Variants in RHBDD1 observed in about 807,000 individuals in gnomAD.
The protein encoded by RHBDD1 is rhomboid-related protein 4.
In RHBDD1, 38 loss-of-function variants were observed where a neutral mutation model predicts 36.3. That is an observed-to-expected ratio of 1.05 (90% CI 0.81 to 1.37). The LOEUF (loss-of-function observed/expected upper bound fraction) is 1.37. Among genes scored for constraint, RHBDD1 ranks in the 40% most tolerant of loss-of-function variants. The probability of loss-of-function intolerance (pLI) is 0.00; values close to 1 mark genes in which losing one functional copy is unlikely to be tolerated. For synonymous variants in RHBDD1, 151 were observed against 136.5 expected (o/e 1.11, Z -0.74); for missense variants, 393 against 377.6 (o/e 1.04, Z -0.34).
rs536163906 is a variant in RHBDD1 at position 226,870,688 on chromosome 2, A to G, written c.566+3370A>G. ...TGACTGAAAGCCTTACTAATAACAT[A>G]CACAGTCAGGTAACACACATTGTGC... On this transcript the variant is annotated intron_variant, in intron 5 of 8. Coordinates refer to ENST00000392062, the MANE Select transcript of RHBDD1 (RefSeq NM_001167608.3). Among the ~76,000 whole-genome samples, 11 of 152,340 alleles carry G rather than the reference A, an allele frequency of 7.2e-5. No homozygotes were observed. The South Asian group carries it at 2.3e-3, about 32-fold the overall frequency.
At chr2:226,961,281 G>A (rs1952177713) in intron 8 of RHBDD1, among the ~76,000 whole-genome samples, 2 of 152,152 alleles carry the variant, frequency 1.3e-5, no homozygotes, top group South Asian at 4.1e-4. Flanking sequence ...GGGCAGCTGG[G>A]ATGCCTACCT....
At chr2:226,916,938 G>A (rs1948948762) in intron 8 of RHBDD1, among the ~76,000 whole-genome samples, 1 of 152,144 alleles carries the variant, frequency 6.6e-6, no homozygotes, top group South Asian at 2.1e-4. Flanking sequence ...AGAGACATGA[G>A]CATGGAAGAT....
intron 3 of RHBDD1, among the ~76,000 whole-genome samples, chr2:226,845,131 A>G (rs528525494): frequency 6.6e-6 from 1 of 152,264 alleles, no homozygotes; most frequent in East Asian, 1.9e-4. Context: ...TGAAAAACAT[A>G]ATTTCTGCTT....
chr2:226,971,267 T>C (rs1953434146), intron 8 of RHBDD1, among the ~76,000 whole-genome samples: 1 of 152,148 alleles, frequency 6.6e-6, no homozygotes, highest in African/African-American at 2.4e-5. Flanking sequence ...TGCTTGTTGG[T>C]GAATGCCCAA....
intron 3 of RHBDD1, among the ~76,000 whole-genome samples, chr2:226,847,196 A>G (rs1166898612): frequency 6.6e-6 from 1 of 152,222 alleles, no homozygotes; most frequent in African/African-American, 2.4e-5. Flanking sequence ...TACAAGTTGC[A>G]TTTGAGCAAA....
intron 3 of RHBDD1, among the ~76,000 whole-genome samples, chr2:226,857,829 T>A (rs1218462234): frequency 1.3e-5 from 2 of 152,128 alleles, no homozygotes; most frequent in Non-Finnish European, 2.9e-5. Context: ...CTCTTTGAAG[T>A]CATGGAAATT....
At chr2:226,893,321 T>C (rs1250760376) in intron 5 of RHBDD1, among the ~76,000 whole-genome samples, 4 of 152,236 alleles carry the variant, frequency 2.6e-5, no homozygotes, top group Non-Finnish European at 5.9e-5. Flanking sequence ...TCTGGAGATA[T>C]TGTGCAAATG....
At chr2:226,909,300 C>G (rs1056624807) in intron 7 of RHBDD1, among the ~76,000 whole-genome samples, 1 of 152,164 alleles carries the variant, frequency 6.6e-6, no homozygotes, top group Non-Finnish European at 1.5e-5. Context: ...AGGCATGCCT[C>G]TAACAAATGC....
At chr2:226,823,545 T>C in the RHBDD1 span, among the ~76,000 whole-genome samples, 50 of 152,328 alleles carry the variant, frequency 3.3e-4, no homozygotes, top group South Asian at 2.1e-4. Context: ...ATATTTTTCT[T>C]AAAAGAAATC....
intron 5 of RHBDD1, among the ~76,000 whole-genome samples, chr2:226,887,419 G>T (rs1020574354): frequency 6.6e-6 from 1 of 152,166 alleles, no homozygotes; most frequent in Non-Finnish European, 1.5e-5. Flanking sequence ...TTTTGAGGGA[G>T]AATTCCTCAG....
At chr2:226,948,101 T>C (rs1951122172) in intron 8 of RHBDD1, among the ~76,000 whole-genome samples, 1 of 151,690 alleles carries the variant, frequency 6.6e-6, no homozygotes, top group Non-Finnish European at 1.5e-5. Context: ...CATGCTGCTA[T>C]AAAGACACAT....
the RHBDD1 span, among the ~76,000 whole-genome samples, chr2:226,824,057 C>T: frequency 1.4e-4 from 21 of 152,258 alleles, no homozygotes; most frequent in Admixed American, 6.5e-5. Context: ...TAATACTTAT[C>T]AGAATTATAA....
upstream of RHBDD1, among the ~76,000 whole-genome samples, chr2:226,834,148 A>G (rs1434384279): frequency 6.6e-6 from 1 of 152,216 alleles, no homozygotes; most frequent in African/African-American, 2.4e-5. Flanking sequence ...TCACCTCTGC[A>G]TTTGATGTAT....
chr2:226,841,813 G>C (rs1031014997), intron 3 of RHBDD1, among the ~76,000 whole-genome samples: 2 of 152,130 alleles, frequency 1.3e-5, no homozygotes, highest in African/African-American at 4.8e-5. Context: ...TATATACCCA[G>C]TAATGGCAAT....
At chr2:226,985,390 A>G (rs551150796) in intron 8 of RHBDD1, among the ~76,000 whole-genome samples, 1 of 152,332 alleles carries the variant, frequency 6.6e-6, no homozygotes, top group African/African-American at 2.4e-5. Flanking sequence ...ATAATATTCA[A>G]TGCAGCAGCC....
chr2:226,894,550 C>T (rs1043379243), intron 5 of RHBDD1, among the ~76,000 whole-genome samples: 1 of 152,102 alleles, frequency 6.6e-6, no homozygotes, highest in African/African-American at 2.4e-5. Flanking sequence ...GGATTGCAGG[C>T]GTGAGCCACT....
At chr2:226,872,715 G>A (rs902108322) in intron 5 of RHBDD1, among the ~76,000 whole-genome samples, 1 of 152,158 alleles carries the variant, frequency 6.6e-6, no homozygotes, top group East Asian at 1.9e-4. Context: ...AAATCAGCAA[G>A]TAATTTAAGT....
the RHBDD1 span, among the ~76,000 whole-genome samples, chr2:226,812,408 C>G: frequency 3.7e-4 from 56 of 152,322 alleles, no homozygotes; most frequent in African/African-American, 1.3e-3. Flanking sequence ...ATAAATTCTA[C>G]AGTAGTAATC....
chr2:226,940,530 TTG>T (rs371887389), intron 8 of RHBDD1, among the ~76,000 whole-genome samples: 5 of 151,418 alleles, frequency 3.3e-5, no homozygotes, highest in Non-Finnish European at 3.0e-5. Context: ...ATTTATTTGC[TTG>T]TGTGTGTGTG....
Sources: allele counts gnomAD v4.1 joint callset (sites outside exome capture counted in the v4.1 genomes callset), GRCh38; gene constraint gnomAD v4.1.1; transcripts MANE v1.5; gene names NCBI Gene and HGNC (gene_info 2026-07-23, HGNC 2026-07-21).